Variants in GOLM1 observed in about 807,000 individuals in gnomAD.
GOLM1 encodes the protein epididymis luminal protein 46.
A neutral mutation model predicts 50.5 loss-of-function variants in GOLM1; 31 were observed. That is an observed-to-expected ratio of 0.61 (90% CI 0.46 to 0.83). The LOEUF is 0.83. Ranked by LOEUF, GOLM1 falls within the 40% of genes least tolerant of loss-of-function variation. GOLM1 has a pLI of 0.00. For synonymous variants in GOLM1, 178 were observed against 192.8 expected, an observed-to-expected ratio of 0.92 and a Z score of 0.64; for missense variants, 491 against 501.3, an observed-to-expected ratio of 0.98 and a Z score of 0.20.
In GOLM1 at chr9:86,036,287, C is replaced by T; in HGVS notation, c.757+61G>A. On this transcript the variant is annotated intron_variant, in intron 7 of 9. Coordinates refer to ENST00000388712, the MANE Select transcript of GOLM1 (RefSeq NM_016548.4). ...TGACTGCCTCAGCAGCTCGCTGGGA[C>T]TGCTTCCTCTGATGGGGCTCTGGAG... is the stretch of plus-strand genomic sequence containing the variant. The T allele has an allele frequency of 2.6e-6, 4 of 1,564,418 alleles. No individual in the cohort carries two copies. In the Admixed American group the frequency reaches 6.7e-5, roughly 26 times the overall value.
rs755418802 is a variant in GOLM1 at position 86,040,770 on chromosome 9, T to C, written c.566A>G (p.Asp189Gly). 1.2e-6 allele frequency: 2 copies of C among 1,613,864 alleles called. No individual in the cohort carries two copies. The highest frequency in any genetic ancestry group is 3.3e-5 in the Admixed American group (2 of 59,972). Residue 189 changes from aspartate to glycine, a missense_variant, in exon 6 of 10, where the codon GAC (aspartate) becomes GGC (glycine). Coordinates refer to ENST00000388712, the MANE Select transcript of GOLM1 (RefSeq NM_016548.4). ...KKGNEAVASR[D>G]LSENNDQRQQ... ...TCTCTGGTCGTTGTTTTCACTCAGG[T>C]CTCTGGAAGCTACAGCTTCATTCCC... is the stretch of plus-strand genomic sequence containing the variant.
At chr9:86,038,214 T>C (rs917784618) in intron 6 of GOLM1, among the ~76,000 whole-genome samples, 1 of 150,744 alleles carries the variant, frequency 6.6e-6, no homozygotes, top group African/African-American at 2.4e-5. Context: ...GGGACTCCCA[T>C]ACTTATGAGT....
intron 9 of GOLM1, among the ~76,000 whole-genome samples, chr9:86,029,630 G>A (rs1346072021): frequency 5.6e-5 from 3 of 53,400 alleles, no homozygotes; most frequent in Non-Finnish European, 1.0e-4. Context: ...TCTGTTAAAG[G>A]CTCTTAATAA....
Position 86,057,374 on chromosome 9 carries a change from C to T in GOLM1, c.310-4783G>A, listed in dbSNP as rs570240233. Among the ~76,000 whole-genome samples, 97 of 152,018 alleles carry T rather than the reference C, an allele frequency of 6.4e-4. 1 individual carries two copies. Among genetic ancestry groups the T allele is most frequent in the Admixed American group, 4.6e-4 (7 of 15,274 alleles). ...AAAATACTAATATTTGAAACACTCA[C>T]TTGGAAGAAGGATGCTGATCACACT... On this transcript the variant is annotated intron_variant, in intron 3 of 9. Coordinates refer to ENST00000388712, the MANE Select transcript of GOLM1 (RefSeq NM_016548.4).
chr9:86,029,139 G>T (rs888719241), intron 9 of GOLM1, among the ~76,000 whole-genome samples: 3 of 152,026 alleles, frequency 2.0e-5, no homozygotes, highest in African/African-American at 7.3e-5. Flanking sequence ...TTACAAGCGT[G>T]AGCAACCACG....
chr9:86,084,872 A>AC (rs1834903892), intron 1 of GOLM1: 1 of 152,130 alleles, frequency 6.6e-6, no homozygotes, highest in Non-Finnish European at 1.5e-5. Context: ...ATATGGTGAA[A>AC]CCCCATCTCT....
intron 3 of GOLM1, among the ~76,000 whole-genome samples, chr9:86,055,300 G>A (rs1833953553): frequency 2.0e-5 from 3 of 152,120 alleles, no homozygotes; most frequent in Admixed American, 2.0e-4. Flanking sequence ...GGATTTTGCG[G>A]GGAGAGAGAC....
chr9:86,077,697 G>C, intron 2 of GOLM1, 106 bp from the exon 3 acceptor site: 1 of 737,060 alleles, frequency 1.4e-6, no homozygotes, highest in South Asian at 1.6e-5. Context: ...GCCAGCACCA[G>C]TCTTATACAC....
intron 3 of GOLM1, among the ~76,000 whole-genome samples, chr9:86,063,664 A>C (rs540139714): frequency 1.3e-5 from 2 of 152,346 alleles, no homozygotes; most frequent in East Asian, 3.9e-4. Context: ...TTGGGTTAAG[A>C]ATTACAGAAG....
At chr9:86,068,008 AAAAT>A (rs1000982583) in intron 3 of GOLM1, among the ~76,000 whole-genome samples, 4 of 152,196 alleles carry the variant, frequency 2.6e-5, no homozygotes, top group South Asian at 2.1e-4. Context: ...CTCCGTCTCA[AAAAT>A]AAATAAATAA....
At chr9:86,053,712 C>CCA (rs1447225225) in intron 3 of GOLM1, among the ~76,000 whole-genome samples, 1 of 716 alleles carries the variant, frequency 1.4e-3, no homozygotes, top group Non-Finnish European at 3.6e-3. Context: ...ACATACCCCA[C>CCA]CGCATCACAG....
chr9:86,087,693 G>GAGAA (rs1835023209), intron 1 of GOLM1, among the ~76,000 whole-genome samples: 1 of 152,204 alleles, frequency 6.6e-6, no homozygotes, highest in African/African-American at 2.4e-5. Context: ...CATCTATTGA[G>GAGAA]AGAACCATGT....
intron 3 of GOLM1, among the ~76,000 whole-genome samples, chr9:86,064,252 C>A (rs990423376): frequency 2.0e-5 from 3 of 152,224 alleles, no homozygotes; most frequent in Non-Finnish European, 4.4e-5. Flanking sequence ...ATCCAATTGA[C>A]AAACTGGAGA....
At chr9:86,063,769 G>A (rs995276779) in intron 3 of GOLM1, among the ~76,000 whole-genome samples, 2 of 152,168 alleles carry the variant, frequency 1.3e-5, no homozygotes, top group African/African-American at 2.4e-5. Context: ...CAAAGCCTCC[G>A]TTACGCCTTC....
chr9:86,027,598 T>C lies in GOLM1; in HGVS notation c.*219A>G. On this transcript the variant is annotated 3_prime_UTR_variant, in exon 10 of 10. Transcript: ENST00000388712. ...TCACGAAATACCTACTACCAAAAAT[T>C]GTGACACCTTATTAGACACTTCCAA... is the stretch of plus-strand genomic sequence containing the variant. The C allele has an allele frequency of 3.8e-6, 5 of 1,314,780 alleles. No homozygotes were observed. Among genetic ancestry groups the C allele is most frequent in the Non-Finnish European group, 4.8e-6 (5 of 1,035,318 alleles). 81.4% of individuals were successfully genotyped at this position (1,314,780 alleles called of 1,614,324 possible).
intron 8 of GOLM1, chr9:86,034,959 A>G: frequency 2.3e-6 from 2 of 875,584 alleles, no homozygotes; most frequent in Non-Finnish European, 2.7e-6. Context: ...TCATCTACCC[A>G]ATATTCCTTC....
At position 86,036,480 on chromosome 9, in the gene GOLM1, TG is replaced by T; in HGVS notation, c.624del (p.Arg209GlyfsTer53). On this transcript the variant is annotated frameshift_variant, in exon 7 of 10. Coordinates refer to ENST00000388712, the MANE Select transcript of GOLM1 (RefSeq NM_016548.4). LOFTEE classifies it high-confidence loss of function. Reference sequence around the variant, plus strand: ...TGTGGCAGGCCTGCTGCCTGCAGCCTGGGCTGAGGCTCACTGAGGGCTTGGA... The same window carrying T: ...TGTGGCAGGCCTGCTGCCTGCAGCCTGGCTGAGGCTCACTGAGGGCTTGGA... ...QQLQALSEPQ[P>X]RLQAAGLPHT... The T allele has an allele frequency of 5.0e-6, 8 of 1,614,096 alleles. No individual in the cohort carries two copies. The highest frequency in any genetic ancestry group is 5.9e-6 in the Non-Finnish European group (7 of 1,180,004).
At chr9:86,031,449 GTTTTTTTTTT>G (rs774806772) in intron 9 of GOLM1, among the ~76,000 whole-genome samples, 4 of 79,498 alleles carry the variant, frequency 5.0e-5, no homozygotes, top group Non-Finnish European at 4.7e-5. Context: ...TACCACTGAG[GTTTTTTTTTT>G]TTTTTTTTTT....
chr9:86,061,775 G>GTGAGTGTGAGTTGAAC (rs1834165169), intron 3 of GOLM1, among the ~76,000 whole-genome samples: 1 of 152,214 alleles, frequency 6.6e-6, no homozygotes, highest in African/African-American at 2.4e-5. Context: ...ATGAGTGTCT[G>GTGAGTGTGAGTTGAAC]TGAGTGTGAG....
Sources: gnomAD v4.1 joint callset for allele counts (sites outside exome capture counted in the v4.1 genomes callset) on GRCh38, gnomAD v4.1.1 for gene constraint, MANE v1.5 for transcripts, NCBI Gene and HGNC (gene_info 2026-07-23, HGNC 2026-07-21) for gene names.